The following WDR70 variants were observed in gnomAD, a reference collection of about 807,000 sequenced individuals.
WDR70 encodes the protein WD repeat-containing protein 70.
WDR70 carries 53 observed loss-of-function variants against 88.6 expected under a neutral mutation model. That is an observed-to-expected ratio of 0.60 (90% CI 0.48 to 0.75). The LOEUF (loss-of-function observed/expected upper bound fraction) is 0.75. WDR70 is among the 30% of genes least tolerant of loss of function. WDR70 has a pLI of 0.00. For missense variants in WDR70, 610 were observed against 823.2 expected, an observed-to-expected ratio of 0.74 and a Z score of 3.17; for synonymous variants, 280 against 270.0, an observed-to-expected ratio of 1.04 and a Z score of -0.36.
chr5:37,461,606 C>T (rs548763364), intron 7 of WDR70, among the ~76,000 whole-genome samples: 2 of 152,124 alleles, frequency 1.3e-5, no homozygotes, highest in Non-Finnish European at 2.9e-5. Context: ...GCCTCAGCCA[C>T]CTGAGGAGCT....
chr5:37,684,305 C>T (rs544909106), intron 10 of WDR70, among the ~76,000 whole-genome samples: 6 of 152,228 alleles, frequency 3.9e-5, no homozygotes, highest in East Asian at 1.9e-4. Context: ...TCATTTCAGC[C>T]GTCTCAGCCT....
At chr5:37,592,497 G>T (rs1234716510) in intron 9 of WDR70, among the ~76,000 whole-genome samples, 2 of 152,218 alleles carry the variant, frequency 1.3e-5, no homozygotes, top group Non-Finnish European at 2.9e-5. Context: ...CAGCACAGTA[G>T]CATCACCAGA....
chr5:37,660,417 T>C (rs781325572), intron 10 of WDR70, among the ~76,000 whole-genome samples: 1 of 151,834 alleles, frequency 6.6e-6, no homozygotes, highest in South Asian at 2.1e-4. Context: ...TGAAATCTCA[T>C]CTATAGTTGT....
chr5:37,466,584 T>A (rs1369063320), intron 7 of WDR70, among the ~76,000 whole-genome samples: 1 of 151,372 alleles, frequency 6.6e-6, no homozygotes, highest in Non-Finnish European at 1.5e-5. Context: ...CGGGCGCCTG[T>A]AGTCCCAGCT....
intron 9 of WDR70, among the ~76,000 whole-genome samples, chr5:37,536,976 C>G (rs1741686872): frequency 6.6e-6 from 1 of 152,056 alleles, no homozygotes; most frequent in African/African-American, 2.4e-5. Context: ...GTCCAAGTTC[C>G]CCATTTCTCC....
intron 10 of WDR70, among the ~76,000 whole-genome samples, chr5:37,626,104 A>T (rs1744658855): frequency 6.7e-6 from 1 of 149,604 alleles, no homozygotes; most frequent in African/African-American, 2.5e-5. Context: ...TCCGATTTGG[A>T]TGCCTTTTAT....
intron 9 of WDR70, among the ~76,000 whole-genome samples, chr5:37,525,522 AAGC>A (rs1741238854): frequency 6.6e-6 from 1 of 152,232 alleles, no homozygotes; most frequent in African/African-American, 2.4e-5. Context: ...CCACAAGAGA[AAGC>A]AGGAAATATC....
intron 5 of WDR70, among the ~76,000 whole-genome samples, chr5:37,415,846 G>T (rs1313438780): frequency 4.0e-5 from 6 of 151,414 alleles, no homozygotes; most frequent in Non-Finnish European, 8.9e-5. Context: ...TCGCGGCCGG[G>T]CAGAGGCGCT....
rs565959214 is a variant in WDR70, at chr5:37,479,744, T to C, written c.687-90T>C. On this transcript the variant is annotated intron_variant, in intron 7 of 17. Transcript: ENST00000265107. Reference sequence around the variant, plus strand: ...GGAATTATCAATTTGTCCATTTGTGTAACATTTTTTTTTCTGGCAATACTT... The same window carrying C: ...GGAATTATCAATTTGTCCATTTGTGCAACATTTTTTTTTCTGGCAATACTT... 30 of 1,402,580 alleles carry C rather than the reference T, an allele frequency of 2.1e-5. No individual in the cohort carries two copies. The South Asian group carries it at 3.6e-4, about 17-fold the overall frequency. 86.9% of individuals were successfully genotyped at this position (1,402,580 alleles called of 1,614,324 possible).
At chr5:37,531,764 T>C (rs1741495352) in intron 9 of WDR70, among the ~76,000 whole-genome samples, 1 of 151,992 alleles carries the variant, frequency 6.6e-6, no homozygotes, top group Non-Finnish European at 1.5e-5. Context: ...TTCAATGTTA[T>C]TATTGAGATG....
chr5:37,745,245 G>A (rs745780080), intron 17 of WDR70, among the ~76,000 whole-genome samples: 19 of 151,822 alleles, frequency 1.3e-4, no homozygotes, highest in Admixed American at 2.0e-4. Context: ...TTGTTACCAC[G>A]AGGCCTGCAC....
chr5:37,607,941 T>A (rs1038751704), intron 10 of WDR70, among the ~76,000 whole-genome samples: 3 of 151,998 alleles, frequency 2.0e-5, no homozygotes, highest in Non-Finnish European at 4.4e-5. Flanking sequence ...GTTGGCATGA[T>A]GTGAGAGAGG....
chr5:37,518,807 T>C (rs562952608), intron 9 of WDR70, among the ~76,000 whole-genome samples: 2 of 152,098 alleles, frequency 1.3e-5, no homozygotes, highest in South Asian at 4.2e-4. Context: ...CAAAGTTCTC[T>C]GGTTTTCCTA....
chr5:37,450,422 A>G lies in WDR70; in HGVS notation c.686+7050A>G, dbSNP rs551536880. ...TTATACTAACCTATGTATATAGTAT[A>G]TAGTGTTTTGTATCTCTCTACATCC... On this transcript the variant is annotated intron_variant, in intron 7 of 17. Coordinates refer to ENST00000265107, the MANE Select transcript of WDR70 (RefSeq NM_018034.4). 8.5e-4 allele frequency among the ~76,000 whole-genome samples: 130 copies of G among 152,322 alleles called. 3 individuals are homozygous for G. The South Asian group carries it at 0.026, about 31-fold the overall frequency.
At chr5:37,608,038 CTTTT>C (rs11295618) in intron 10 of WDR70, among the ~76,000 whole-genome samples, 1 of 100,616 alleles carries the variant, frequency 9.9e-6, no homozygotes, top group Non-Finnish European at 2.0e-5. Flanking sequence ...CTGCAACACT[CTTTT>C]TTTTTTTTTT....
chr5:37,503,251 C>T (rs1286414475), intron 8 of WDR70, among the ~76,000 whole-genome samples: 2 of 141,530 alleles, frequency 1.4e-5, no homozygotes, highest in African/African-American at 5.0e-5. Context: ...TCAATCTTTT[C>T]TTATCTTTTT....
intron 7 of WDR70, among the ~76,000 whole-genome samples, chr5:37,473,197 A>G (rs1186138969): frequency 1.4e-5 from 2 of 147,440 alleles, no homozygotes; most frequent in African/African-American, 5.1e-5. Flanking sequence ...TTAAGTATCT[A>G]TCTTTTTACT....
At chr5:37,617,004 C>G (rs1561924482) in intron 10 of WDR70, among the ~76,000 whole-genome samples, 1 of 152,138 alleles carries the variant, frequency 6.6e-6, no homozygotes, top group African/African-American at 2.4e-5. Context: ...TTAGCCGATT[C>G]TTTTCCAATA....
intron 10 of WDR70, among the ~76,000 whole-genome samples, chr5:37,668,023 C>G (rs1319062302): frequency 6.6e-6 from 1 of 152,078 alleles, no homozygotes; most frequent in Non-Finnish European, 1.5e-5. Flanking sequence ...GTTTCGCAGG[C>G]TTACTTGGCT....
Sources: allele counts gnomAD v4.1 joint callset (sites outside exome capture counted in the v4.1 genomes callset), GRCh38; gene constraint gnomAD v4.1.1; transcripts MANE v1.5; gene names NCBI Gene and HGNC (gene_info 2026-07-23, HGNC 2026-07-21).